NR5A1: variants seen among roughly 807,000 people sequenced by gnomAD.
The protein encoded by NR5A1 is nuclear receptor subfamily 5 group A member 1, also known as steroidogenic factor 1.
NR5A1 carries 6 observed loss-of-function variants against 42.7 expected under a neutral mutation model. The observed-to-expected ratio is 0.14, with a 90% CI of 0.08 to 0.28. The LOEUF (loss-of-function observed/expected upper bound fraction) is 0.28. Ranked by LOEUF, NR5A1 falls within the 10% of genes least tolerant of loss-of-function variation. The probability of loss-of-function intolerance (pLI) is 1.00; values close to 1 mark genes in which losing one functional copy is unlikely to be tolerated. For missense variants in NR5A1, 442 were observed against 626.4 expected, an observed-to-expected ratio of 0.71 and a Z score of 3.14; for synonymous variants, 274 against 277.5, an observed-to-expected ratio of 0.99 and a Z score of 0.12.
chr9:124,494,126 C>T lies in NR5A1; in HGVS notation c.871-977G>A, dbSNP rs183364219. ...AGACACAGCCCCATCCCTCTCAGCC[C>T]GTGCCACTCACCAGCTGGCCACCAT... On this transcript the variant is annotated intron_variant, in intron 4 of 6. Coordinates refer to ENST00000373588, the MANE Select transcript of NR5A1 (RefSeq NM_004959.5). Among the ~76,000 whole-genome samples, 5 of 152,326 alleles carry T rather than the reference C, an allele frequency of 3.3e-5. No homozygotes were observed. In the East Asian group the frequency reaches 5.8e-4, roughly 18 times the overall value.
intron 4 of NR5A1, among the ~76,000 whole-genome samples, chr9:124,499,254 C>A (rs1832431130): frequency 6.6e-6 from 1 of 152,200 alleles, no homozygotes; most frequent in African/African-American, 2.4e-5. Flanking sequence ...GGTGGGAAGA[C>A]TGGGAAGTTC....
At position 124,484,305 on chromosome 9, in the gene NR5A1, CGTG is replaced by C. The variant is rs199846822; in HGVS notation, c.1139-1303_1139-1301del. On this transcript the variant is annotated intron_variant, in intron 6 of 6. Transcript: ENST00000373588. The stretch of plus-strand genomic sequence containing the variant: ...GGCAAGGAGGGGGCCTGGATGGCCA[CGTG>C]GTGACCGCACCCCAAGGAGTCGTGT... 1.5e-4 allele frequency among the ~76,000 whole-genome samples: 23 copies of C among 152,296 alleles called. No individual in the cohort carries two copies. In the East Asian group the frequency reaches 3.1e-3, roughly 20 times the overall value.
chr9:124,494,439 C>T (rs1442082082), intron 4 of NR5A1, among the ~76,000 whole-genome samples: 1 of 152,218 alleles, frequency 6.6e-6, no homozygotes, highest in African/African-American at 2.4e-5. Flanking sequence ...TACAGATCCT[C>T]TACCTGATCC....
At chr9:124,483,106 C>T in intron 6 of NR5A1, 101 bp from the exon 7 acceptor site, 2 of 1,600,416 alleles carry the variant, frequency 1.2e-6, no homozygotes, top group Non-Finnish European at 8.5e-7. Flanking sequence ...TTCCCTATGA[C>T]CATCAAAGAC....
rs1157042897 is a variant in NR5A1, at chr9:124,496,520, C to T, written c.871-3371G>A. On this transcript the variant is annotated intron_variant, in intron 4 of 6. Transcript: ENST00000373588. The surrounding 1 kb of genome is among the most constrained non-coding windows in gnomAD (Gnocchi z 5.0). Reference sequence around the variant, plus strand: ...CGCTCTGCAGGCTGCCTCAGAGACCCGGTATTTATGGGTGCCAAGCTGACC... The same window carrying T: ...CGCTCTGCAGGCTGCCTCAGAGACCTGGTATTTATGGGTGCCAAGCTGACC... Among the ~76,000 whole-genome samples the T allele has an allele frequency of 2.6e-5, 4 of 152,070 alleles. No homozygotes were observed. Among genetic ancestry groups the T allele is most frequent in the Non-Finnish European group, 2.9e-5 (2 of 68,014 alleles).
In NR5A1 at chr9:124,503,043, T is replaced by TG. The variant is rs748781136; in HGVS notation, c.244+35dup. 3.2e-6 allele frequency: 5 copies of TG among 1,542,624 alleles called. No individual in the cohort carries two copies. The highest frequency in any genetic ancestry group is 2.4e-5 in the East Asian group (1 of 41,566). ...CCCCACCCCCTACCCCCTCAGGCTG[T>TG]GGGGGGTCAGGGGTCGAGGCCCGCG... On this transcript the variant is annotated intron_variant, in intron 3 of 6. Coordinates refer to ENST00000373588, the MANE Select transcript of NR5A1 (RefSeq NM_004959.5). This position sits in a 1 kb window ranked among gnomAD's most constrained non-coding sequence, Gnocchi z 9.6.
chr9:124,502,921 C>A (rs1392560953), intron 3 of NR5A1, among the ~76,000 whole-genome samples, 158 bp downstream of exon 3: 2 of 152,210 alleles, frequency 1.3e-5, no homozygotes, highest in Admixed American at 6.5e-5. Context: ...GCCCACCCAG[C>A]GCCAGCGCCC....
At position 124,503,570 on chromosome 9, in the gene NR5A1, G is replaced by T. The variant is rs555432763; in HGVS notation, c.-15-160C>A. Among the ~76,000 whole-genome samples the T allele has an allele frequency of 1.3e-5, 2 of 152,050 alleles. No homozygotes were observed. Among genetic ancestry groups the T allele is most frequent in the Admixed American group, 1.3e-4 (2 of 15,272 alleles). The stretch of plus-strand genomic sequence containing the variant: ...ACCGAGCGCCCCGCGCAGCGTCCCG[G>T]GGTGGGTCCGGTGCAGTCCCCGCGC... On this transcript the variant is annotated intron_variant, in intron 1 of 6. Coordinates refer to ENST00000373588, the MANE Select transcript of NR5A1 (RefSeq NM_004959.5). The surrounding 1 kb of genome is among the most constrained non-coding windows in gnomAD (Gnocchi z 9.6).
In NR5A1 at chr9:124,503,134, C is replaced by A; in HGVS notation, c.189G>T (p.Lys63Asn). ...TCTGGAAGCGGCAGAAGGGACAGCG[C>A]TTGCGCTGCGTCTTGTCGATCTTGC... ...QSCKIDKTQRKRCPFCRFQKC... is the reference protein window; with the variant it reads ...QSCKIDKTQRNRCPFCRFQKC... Residue 63 changes from lysine to asparagine, a missense_variant, in exon 3 of 7, where the codon AAG (lysine) becomes AAT (asparagine). Lys to Asn is a moderately conservative substitution (Grantham distance 94). Coordinates refer to ENST00000373588, the MANE Select transcript of NR5A1 (RefSeq NM_004959.5). The surrounding 1 kb of genome is among the most constrained non-coding windows in gnomAD (Gnocchi z 9.6). 6.3e-7 allele frequency: 1 copy of A among 1,597,650 alleles called. No homozygotes were observed. The highest frequency in any genetic ancestry group is 1.7e-5 in the Admixed American group (1 of 58,334).
chr9:124,492,917 G>T (rs1198320089), intron 5 of NR5A1, 113 bp downstream of exon 5: 4 of 1,253,398 alleles, frequency 3.2e-6, no homozygotes, highest in Non-Finnish European at 4.3e-6. Context: ...GATAATTAGG[G>T]TGCCCAGAGC....
chr9:124,494,483 A>G (rs1832359288), intron 4 of NR5A1, among the ~76,000 whole-genome samples: 1 of 152,146 alleles, frequency 6.6e-6, no homozygotes, highest in Non-Finnish European at 1.5e-5. Flanking sequence ...CACCCTCTGG[A>G]TGCAGAATCT....
intron 4 of NR5A1, among the ~76,000 whole-genome samples, chr9:124,499,879 A>G (rs1832439477): frequency 6.6e-6 from 1 of 152,294 alleles, no homozygotes; most frequent in Middle Eastern, 3.4e-3. Context: ...GCAGAGGCTC[A>G]AGGAGGAGAG....
chr9:124,503,528 C>A lies in NR5A1; in HGVS notation c.-15-118G>T. On this transcript the variant is annotated intron_variant, in intron 1 of 6. Transcript: ENST00000373588. This position sits in a 1 kb window ranked among gnomAD's most constrained non-coding sequence, Gnocchi z 9.6. The stretch of plus-strand genomic sequence containing the variant: ...GCGTAATCCCCTCTCTGTGCCCAGG[C>A]GCTGCCGCCGGCACCCACCGAGCGC... 1.3e-6 allele frequency: 1 copy of A among 783,144 alleles called. No individual in the cohort carries two copies. The highest frequency in any genetic ancestry group is 1.9e-6 in the Non-Finnish European group (1 of 529,320). The allele number at this position is 783,144 out of a possible 1,614,324, so 48.5% of individuals were successfully genotyped here.
In NR5A1 at chr9:124,500,011, C is replaced by T. The variant is rs1588621648; in HGVS notation, c.870+79G>A. The stretch of plus-strand genomic sequence containing the variant: ...AAGCCAGTGGGAAGGATGGCCCTAT[C>T]CAAAGGACAGTCGGGCTAAGGCTTG... On this transcript the variant is annotated intron_variant, in intron 4 of 6. Coordinates refer to ENST00000373588, the MANE Select transcript of NR5A1 (RefSeq NM_004959.5). This position sits in a 1 kb window ranked among gnomAD's most constrained non-coding sequence, Gnocchi z 6.9. 1 of 1,607,156 alleles carries T rather than the reference C, an allele frequency of 6.2e-7. No homozygotes were observed. The highest frequency in any genetic ancestry group is 1.3e-5 in the African/African-American group (1 of 74,948).
chr9:124,482,165 C>G lies in NR5A1; in HGVS notation c.*593G>C, dbSNP rs1347115206. 1.2e-5 allele frequency: 2 copies of G among 165,428 alleles called. No homozygotes were observed. The highest frequency in any genetic ancestry group is 2.6e-5 in the Non-Finnish European group (2 of 75,512). The allele number at this position is 165,428 out of a possible 1,614,324, so 10.2% of individuals were successfully genotyped here. On this transcript the variant is annotated 3_prime_UTR_variant, in exon 7 of 7. Coordinates refer to ENST00000373588, the MANE Select transcript of NR5A1 (RefSeq NM_004959.5). The stretch of plus-strand genomic sequence containing the variant: ...GCAGAGGTCAGGTGGGGTAGAAGGG[C>G]TAGGGAGAAGGTCTTTTTGTCCTAA...
chr9:124,491,103 C>T lies in NR5A1; in HGVS notation c.1116G>A (p.Lys372=). Reference sequence around the variant, plus strand: ...CACCCAGGCTGAAGAGGATGATGAACTTGAGGCAGACAAACTCCTGCCGGT... The same window carrying T: ...CACCCAGGCTGAAGAGGATGATGAATTTGAGGCAGACAAACTCCTGCCGGT... The part of the protein sequence containing the change: ...QLDRQEFVCL[K]FIILFSLDLK... Residue 372 remains lysine (K), a synonymous_variant, in exon 6 of 7, where the codon AAG becomes AAA. Transcript: ENST00000373588. 1 of 1,460,014 alleles carries T rather than the reference C, an allele frequency of 6.8e-7. No individual in the cohort carries two copies. 90.4% of individuals were successfully genotyped at this position (1,460,014 alleles called of 1,614,324 possible).
In NR5A1 at chr9:124,492,515, T is replaced by G. The variant is rs76705341; in HGVS notation, c.990+515A>C. ...TGGAGCCCTTTGCCCATTCATTCAT[T>G]CATTCATTCATTCGAGATTTAGGGC... is the stretch of plus-strand genomic sequence containing the variant. On this transcript the variant is annotated intron_variant, in intron 5 of 6. Coordinates refer to ENST00000373588, the MANE Select transcript of NR5A1 (RefSeq NM_004959.5). 3.9e-3 allele frequency among the ~76,000 whole-genome samples: 597 copies of G among 152,204 alleles called. 4 individuals are homozygous for G. Among genetic ancestry groups the G allele is most frequent in the African/African-American group, 0.014 (567 of 41,518 alleles).
chr9:124,500,749 C>G lies in NR5A1; in HGVS notation c.245-34G>C. Reference sequence around the variant, plus strand: ...AGGGGCAGAGGGTCAGACTCACCCTCTCTAAGCCCCCTTCCATGCTGCCCC... The same window carrying G: ...AGGGGCAGAGGGTCAGACTCACCCTGTCTAAGCCCCCTTCCATGCTGCCCC... On this transcript the variant is annotated intron_variant, in intron 3 of 6. Transcript: ENST00000373588. The surrounding 1 kb of genome is among the most constrained non-coding windows in gnomAD (Gnocchi z 6.9). 6.2e-7 allele frequency: 1 copy of G among 1,612,070 alleles called. No individual in the cohort carries two copies. The highest frequency in any genetic ancestry group is 8.5e-7 in the Non-Finnish European group (1 of 1,180,028).
chr9:124,497,082 G>T (rs1279711078), intron 4 of NR5A1, among the ~76,000 whole-genome samples: 1 of 152,192 alleles, frequency 6.6e-6, no homozygotes, highest in Non-Finnish European at 1.5e-5. Context: ...TCCCCGCCAA[G>T]GCCTGCATAA....
Sources: allele counts gnomAD v4.1 joint callset (sites outside exome capture counted in the v4.1 genomes callset), GRCh38; gene constraint gnomAD v4.1.1; non-coding constraint Gnocchi (gnomAD v3.1); transcripts MANE v1.5; gene names NCBI Gene and HGNC (gene_info 2026-07-23, HGNC 2026-07-21).